The following CREBRF variants were observed in gnomAD, a reference collection of about 807,000 sequenced individuals.
The protein encoded by CREBRF is UPF0474 protein C5orf41.
CREBRF carries 5 observed loss-of-function variants against 66.1 expected under a neutral mutation model. That is an observed-to-expected ratio of 0.08 (90% CI 0.04 to 0.16). The LOEUF is 0.16. Ranked by LOEUF, CREBRF falls within the 10% of genes least tolerant of loss-of-function variation. The probability of loss-of-function intolerance (pLI) is 1.00; values close to 1 mark genes in which losing one functional copy is unlikely to be tolerated. For missense variants in CREBRF, 531 were observed against 744.9 expected, an observed-to-expected ratio of 0.71 and a Z score of 3.34; for synonymous variants, 229 against 264.4, an observed-to-expected ratio of 0.87 and a Z score of 1.30.
chr5:173,134,845 T>C lies in CREBRF; in HGVS notation c.*1100T>C, dbSNP rs961133660. 1 of 152,556 alleles carries C rather than the reference T, an allele frequency of 6.6e-6. No individual in the cohort carries two copies. The highest frequency in any genetic ancestry group is 6.5e-5 in the Admixed American group (1 of 15,280). 9.5% of individuals were successfully genotyped at this position (152,556 alleles called of 1,614,324 possible). A position where few individuals can be genotyped will look rare whatever the true frequency, so the allele number is the denominator to read the frequency against. ...CAATTATCTACAGAAGGAGCATCCA[T>C]ACATACAAATATTATTTTGCTGTTC... On this transcript the variant is annotated 3_prime_UTR_variant, in exon 9 of 9. Transcript: ENST00000296953.
chr5:173,098,718 G>C (rs1348687757), intron 4 of CREBRF, among the ~76,000 whole-genome samples: 1 of 151,802 alleles, frequency 6.6e-6, no homozygotes, highest in Non-Finnish European at 1.5e-5. Flanking sequence ...ATTACCGTCT[G>C]TTTTTTCCTT....
chr5:173,091,009 A>G lies in CREBRF; in HGVS notation c.830A>G (p.Lys277Arg). 1 of 1,614,164 alleles carries G rather than the reference A, an allele frequency of 6.2e-7. No individual in the cohort carries two copies. Among genetic ancestry groups the G allele is most frequent in the Non-Finnish European group, 8.5e-7 (1 of 1,180,038 alleles). ...CGAVAKRQEK[K>R]GMEPLQGHAT... ...GCAGTGGCAAAGAGACAAGAGAAAA[A>G]AGGGATGGAGCCTCTTCAAGGTCAT... The change falls in exon 4 of 9, where the codon AAA becomes AGA. Residue 277 changes from lysine (K) to arginine (R), a missense_variant. By Grantham distance (26) the Lys-to-Arg change is conservative (BLOSUM62 2). This residue lies in a region of CREBRF where 309 missense variants were observed against 341.4 expected (regional missense o/e 0.90). Transcript: ENST00000296953.
chr5:173,106,783 C>T (rs1758761393), intron 4 of CREBRF, among the ~76,000 whole-genome samples: 1 of 150,788 alleles, frequency 6.6e-6, no homozygotes, highest in Admixed American at 6.6e-5. Context: ...GAGTCTTGCT[C>T]TTGTTGTCCA....
intron 1 of CREBRF, among the ~76,000 whole-genome samples, chr5:173,073,498 A>G (rs1757655394): frequency 6.6e-6 from 1 of 152,238 alleles, no homozygotes; most frequent in Non-Finnish European, 1.5e-5. Flanking sequence ...GGGATTAGAA[A>G]TGCATTCTCT....
chr5:173,132,924 C>T (rs1486648716), intron 8 of CREBRF, among the ~76,000 whole-genome samples: 1 of 151,780 alleles, frequency 6.6e-6, no homozygotes, highest in Non-Finnish European at 1.5e-5. Context: ...CCTGAGCCAC[C>T]GTGCCTAGCT....
In CREBRF at chr5:173,082,259, C is replaced by T. The variant is rs374062112; in HGVS notation, c.9+1475C>T. ...CGATCTCCTGACCTCGTGATCCACC[C>T]GCCTTGGCCTCCCAAAGTGCTGGGA... is the stretch of plus-strand genomic sequence containing the variant. On this transcript the variant is annotated intron_variant, in intron 2 of 8. Transcript: ENST00000296953. Among the ~76,000 whole-genome samples the T allele has an allele frequency of 1.8e-4, 28 of 151,934 alleles. 1 individual carries two copies. The highest frequency in any genetic ancestry group is 6.8e-4 in the African/African-American group (28 of 41,480).
At chr5:173,068,246 TCTC>T (rs1383844956) in intron 1 of CREBRF, 4 of 334,104 alleles carry the variant, frequency 1.2e-5, no homozygotes, top group Admixed American at 4.0e-5. Context: ...TCTATGTACT[TCTC>T]CTTCTCTGAT....
At chr5:173,109,098 A>G in intron 5 of CREBRF, 1 of 312,996 alleles carries the variant, frequency 3.2e-6, no homozygotes, top group East Asian at 5.9e-5. Flanking sequence ...AATGACTAGG[A>G]GGCTGCTGGT....
At position 173,056,381 on chromosome 5, in the gene CREBRF, G is replaced by A. The variant is rs1757040008; in HGVS notation, c.-290G>A. 2 of 398,248 alleles carry A rather than the reference G, an allele frequency of 5.0e-6. No individual in the cohort carries two copies. Among genetic ancestry groups the A allele is most frequent in the South Asian group, 2.5e-4 (2 of 7,864 alleles). 24.7% of individuals were successfully genotyped at this position (398,248 alleles called of 1,614,324 possible). On this transcript the variant is annotated 5_prime_UTR_variant, in exon 1 of 9. Transcript: ENST00000296953. Reference sequence around the variant, plus strand: ...CACGCGATTTCCGGGAACCCGTCAGGAAGGACATAAACAAAACAAACCCGA... The same window carrying A: ...CACGCGATTTCCGGGAACCCGTCAGAAAGGACATAAACAAAACAAACCCGA...
rs141949650 is a variant in CREBRF, at chr5:173,073,467, C to T, written c.-191-7118C>T. On this transcript the variant is annotated intron_variant, in intron 1 of 8. Transcript: ENST00000296953. ...ACATACAAACTGAATATTTTGTCCC[C>T]AGTGGTAATCAAAGTTGGCTGGGAT... 1.4e-4 allele frequency among the ~76,000 whole-genome samples: 22 copies of T among 152,266 alleles called. 1 individual carries two copies. Among genetic ancestry groups the T allele is most frequent in the African/African-American group, 4.3e-4 (18 of 41,544 alleles).
chr5:173,069,909 T>A (rs2113677395), intron 1 of CREBRF, among the ~76,000 whole-genome samples: 1 of 149,230 alleles, frequency 6.7e-6, no homozygotes, highest in Non-Finnish European at 1.5e-5. Context: ...AGGAAACAAT[T>A]TTTTTTTTTT....
chr5:173,069,440 C>G (rs1249534702), intron 1 of CREBRF, among the ~76,000 whole-genome samples: 1 of 151,998 alleles, frequency 6.6e-6, no homozygotes, highest in Non-Finnish European at 1.5e-5. Context: ...TCCCCCATCT[C>G]AGCCTCCTGA....
intron 2 of CREBRF, among the ~76,000 whole-genome samples, chr5:173,081,236 C>G (rs1331046823): frequency 6.6e-6 from 1 of 152,296 alleles, no homozygotes; most frequent in East Asian, 1.9e-4. Flanking sequence ...TAGACACACA[C>G]ACATACCTAT....
chr5:173,133,781 G>GT lies in CREBRF; in HGVS notation c.*40dup, dbSNP rs1396589565. On this transcript the variant is annotated 3_prime_UTR_variant, in exon 9 of 9. Transcript: ENST00000296953. ...TGGACCACTGGTCAGAAATGTCTGC[G>GT]TTTTGTCACGTTATCCATTGTAAAT... 12 of 1,082,352 alleles carry GT rather than the reference G, an allele frequency of 1.1e-5. No homozygotes were observed. Among genetic ancestry groups the GT allele is most frequent in the Non-Finnish European group, 1.7e-5 (12 of 716,842 alleles). The allele number at this position is 1,082,352 out of a possible 1,614,324, so 67.0% of individuals were successfully genotyped here.
chr5:173,073,085 A>C (rs1200003428), intron 1 of CREBRF, among the ~76,000 whole-genome samples: 1 of 152,254 alleles, frequency 6.6e-6, no homozygotes, highest in Non-Finnish European at 1.5e-5. Context: ...GGAGATATCC[A>C]CATCTCAGAT....
At chr5:173,088,073 T>C (rs1043336109) in intron 3 of CREBRF, among the ~76,000 whole-genome samples, 2 of 151,568 alleles carry the variant, frequency 1.3e-5, no homozygotes, top group African/African-American at 4.8e-5. Flanking sequence ...TCCACCCACC[T>C]CGGAGTGCTG....
intron 1 of CREBRF, among the ~76,000 whole-genome samples, chr5:173,059,421 C>T (rs1157025022): frequency 3.3e-5 from 5 of 151,684 alleles, no homozygotes; most frequent in African/African-American, 1.2e-4. Flanking sequence ...CCCACCACCA[C>T]GCCCGGCTAA....
chr5:173,123,007 C>T lies in CREBRF; in HGVS notation c.1682-73C>T, dbSNP rs1005537657. On this transcript the variant is annotated intron_variant, in intron 7 of 8. Transcript: ENST00000296953. ...TTAATCCAGTCCATTTCTTAATTAT[C>T]TGTTATTACATAATTAAAAGGAAAG... 12 of 1,370,526 alleles carry T rather than the reference C, an allele frequency of 8.8e-6. No homozygotes were observed. The African/African-American group carries it at 1.6e-4, about 19-fold the overall frequency. 84.9% of individuals were successfully genotyped at this position (1,370,526 alleles called of 1,614,324 possible). A position where few individuals can be genotyped will look rare whatever the true frequency, so the allele number is the denominator to read the frequency against.
chr5:173,092,075 C>T, intron 4 of CREBRF: 1 of 654,638 alleles, frequency 1.5e-6, no homozygotes. Context: ...GAGTGAAAGT[C>T]TGTCTCAATA....
Sources: allele counts gnomAD v4.1 joint callset (sites outside exome capture counted in the v4.1 genomes callset), GRCh38; gene constraint gnomAD v4.1.1; regional missense constraint gnomAD v4.1.1; transcripts MANE v1.5; gene names NCBI Gene and HGNC (gene_info 2026-07-23, HGNC 2026-07-21).